Variants in WDR33 observed in about 807,000 individuals in gnomAD.
WDR33 encodes WD repeat domain 33.
Under a neutral mutation model 164.9 loss-of-function variants are expected in WDR33, and 47 were observed. The ratio of observed to expected loss-of-function variants is 0.29; its 90% CI spans 0.23 to 0.36. WDR33 has a LOEUF of 0.36. Ranked by LOEUF, WDR33 falls within the 10% of genes least tolerant of loss-of-function variation. WDR33 has a pLI of 1.00. For missense variants in WDR33, 1,137 were observed against 1,754.1 expected, an observed-to-expected ratio of 0.65 and a Z score of 6.28; for synonymous variants, 505 against 589.0, an observed-to-expected ratio of 0.86 and a Z score of 2.06.
Position 127,713,477 on chromosome 2 carries a change from G to C in WDR33, c.3308+106C>G. The C allele has an allele frequency of 7.7e-7, 1 of 1,301,132 alleles. No homozygotes were observed. The highest frequency in any genetic ancestry group is 1.4e-5 in the South Asian group (1 of 71,864). The allele number at this position is 1,301,132 out of a possible 1,614,324, so 80.6% of individuals were successfully genotyped here. On this transcript the variant is annotated intron_variant, in intron 18 of 21. Coordinates refer to ENST00000322313, the MANE Select transcript of WDR33 (RefSeq NM_018383.5). The surrounding 1 kb of genome is among the most constrained non-coding windows in gnomAD (Gnocchi z 6.2). Reference sequence around the variant, plus strand: ...TCTACAGAGTGCAGGGCTGGTAATTGATATAATTCTCTTTCCTCAAGAAAA... The same window carrying C: ...TCTACAGAGTGCAGGGCTGGTAATTCATATAATTCTCTTTCCTCAAGAAAA...
At chr2:127,783,668 G>C (rs375291967) in intron 1 of WDR33, among the ~76,000 whole-genome samples, 5 of 127,216 alleles carry the variant, frequency 3.9e-5, no homozygotes, top group African/African-American at 1.5e-4. Context: ...ACAGTGGTGT[G>C]ATCTCGGCTC....
At chr2:127,768,542 C>T (rs989603827) in intron 3 of WDR33, among the ~76,000 whole-genome samples, 2 of 152,114 alleles carry the variant, frequency 1.3e-5, no homozygotes, top group African/African-American at 4.8e-5. Flanking sequence ...TAACCCAGTA[C>T]AAGTTAGTAC....
At chr2:127,753,900 C>G (rs913574427) in intron 7 of WDR33, among the ~76,000 whole-genome samples, 1 of 152,106 alleles carries the variant, frequency 6.6e-6, no homozygotes, top group Non-Finnish European at 1.5e-5. Context: ...ATGAAAGTAT[C>G]TTTCAAAGCC....
chr2:127,704,502 T>A lies in WDR33; in HGVS notation c.*1821A>T, dbSNP rs903087798. On this transcript the variant is annotated 3_prime_UTR_variant, in exon 22 of 22. Transcript: ENST00000322313. The stretch of plus-strand genomic sequence containing the variant: ...AATTTGATTACAGTTTCTCTCTCTT[T>A]AAGCTATACCAGTTGGGGGTGAGTG... The A allele has an allele frequency of 6.0e-6, 1 of 167,064 alleles. No homozygotes were observed. The highest frequency in any genetic ancestry group is 2.4e-5 in the African/African-American group (1 of 41,440). The allele number at this position is 167,064 out of a possible 1,614,324, so 10.3% of individuals were successfully genotyped here. A position where few individuals can be genotyped will look rare whatever the true frequency, so the allele number is the denominator to read the frequency against.
At position 127,791,352 on chromosome 2, in the gene WDR33, T is replaced by TCTGCTTGGCTGCC. The variant is rs1688840838; in HGVS notation, c.-24+19659_-24+19660insGGCAGCCAAGCAG. Among the ~76,000 whole-genome samples the TCTGCTTGGCTGCC allele has an allele frequency of 2.0e-5, 3 of 152,156 alleles. No individual in the cohort carries two copies. In the South Asian group the frequency reaches 6.2e-4, roughly 32 times the overall value. On this transcript the variant is annotated intron_variant, in intron 1 of 21. Transcript: ENST00000322313. ...ACTTCCCATTTCATCATGTGCTATG[T>TCTGCTTGGCTGCC]ATTAGTCTGCTTGGCTGCCATAAAA...
In WDR33 at chr2:127,735,927, G is replaced by GA. The variant is rs1313526317; in HGVS notation, c.725-9151dup. 3 of 985,278 alleles carry GA rather than the reference G, an allele frequency of 3.0e-6. No homozygotes were observed. In the African/African-American group the frequency reaches 5.2e-5, roughly 17 times the overall value. The allele number at this position is 985,278 out of a possible 1,614,324, so 61.0% of individuals were successfully genotyped here. ...AAAGTTACATCAGTGAAAAACTATA[G>GA]AATTAAATGGAAAGTTAATTCTGGA... On this transcript the variant is annotated intron_variant, in intron 7 of 21. Transcript: ENST00000322313. This position sits in a 1 kb window ranked among gnomAD's most constrained non-coding sequence, Gnocchi z 4.3.
rs1391646685 is a variant in WDR33 at position 127,741,469 on chromosome 2, A to AT, written c.725-14693dup. On this transcript the variant is annotated intron_variant, in intron 7 of 21. Coordinates refer to ENST00000322313, the MANE Select transcript of WDR33 (RefSeq NM_018383.5). The surrounding 1 kb of genome is among the most constrained non-coding windows in gnomAD (Gnocchi z 4.1). Reference sequence around the variant, plus strand: ...TGGCCTGTGCTTCTCCACTCACTTCATTAAACACACACAAACATGCACGTG... The same window carrying AT: ...TGGCCTGTGCTTCTCCACTCACTTCATTTAAACACACACAAACATGCACGTG... Among the ~76,000 whole-genome samples the AT allele has an allele frequency of 2.6e-5, 4 of 152,222 alleles. No homozygotes were observed. The highest frequency in any genetic ancestry group is 9.7e-5 in the African/African-American group (4 of 41,450).
chr2:127,730,282 G>T (rs1047049111), intron 7 of WDR33, among the ~76,000 whole-genome samples: 1 of 152,094 alleles, frequency 6.6e-6, no homozygotes, highest in Non-Finnish European at 1.5e-5. Flanking sequence ...AATAGATTAA[G>T]CTGGAATAGA....
At chr2:127,779,974 G>GA (rs1688314379) in intron 1 of WDR33, among the ~76,000 whole-genome samples, 1 of 145,340 alleles carries the variant, frequency 6.9e-6, no homozygotes, top group East Asian at 2.0e-4. Context: ...AGGTTTTTTT[G>GA]ATTTTTTTTT....
rs1687757410 is a variant in WDR33 at position 127,764,182 on chromosome 2, C to T, written c.626+646G>A. On this transcript the variant is annotated intron_variant, in intron 6 of 21. Coordinates refer to ENST00000322313, the MANE Select transcript of WDR33 (RefSeq NM_018383.5). The surrounding 1 kb of genome is among the most constrained non-coding windows in gnomAD (Gnocchi z 6.2). ...TACAACTCACTGAAAATATTTTAAA[C>T]TCCACTTATTGTATACATTTGCATA... is the stretch of plus-strand genomic sequence containing the variant. The T allele has an allele frequency of 9.7e-7, 1 of 1,026,068 alleles. No homozygotes were observed. Among genetic ancestry groups the T allele is most frequent in the Non-Finnish European group, 1.2e-6 (1 of 857,020 alleles). The allele number at this position is 1,026,068 out of a possible 1,614,324, so 63.6% of individuals were successfully genotyped here.
At chr2:127,783,599 C>CTTTTTTTTTTTTTT (rs35345585) in intron 1 of WDR33, among the ~76,000 whole-genome samples, 15 of 84,410 alleles carry the variant, frequency 1.8e-4, no homozygotes, top group African/African-American at 6.4e-4. Context: ...TTCAGGACTC[C>CTTTTTTTTTTTTTT]TTTTTTTTTT....
intron 18 of WDR33, among the ~76,000 whole-genome samples, chr2:127,711,781 T>TATATATATATA (rs1491108798): frequency 7.4e-5 from 7 of 93,966 alleles, no homozygotes; most frequent in Admixed American, 1.1e-4. Context: ...TATATATATA[T>TATATATATATA]TTTTTTTTTG....
chr2:127,743,912 TGAC>T (rs1687096879), intron 7 of WDR33, among the ~76,000 whole-genome samples: 2 of 152,198 alleles, frequency 1.3e-5, no homozygotes, highest in Admixed American at 1.3e-4. Context: ...GAAATTCTGA[TGAC>T]CACAAGAATA....
chr2:127,778,721 A>AG (rs1034997368), intron 1 of WDR33, among the ~76,000 whole-genome samples: 2 of 152,188 alleles, frequency 1.3e-5, no homozygotes, highest in African/African-American at 4.8e-5. Flanking sequence ...GAGGGAGGCA[A>AG]GGGCAGGGGG....
At chr2:127,762,860 TCAAAGA>T in intron 7 of WDR33, 196 bp downstream of exon 7, 1 of 1,378,050 alleles carries the variant, frequency 7.3e-7, no homozygotes, top group African/African-American at 1.5e-5. Context: ...GCTGAAAAAT[TCAAAGA>T]TAACACTGGT....
At chr2:127,750,681 T>C (rs866552871) in intron 7 of WDR33, among the ~76,000 whole-genome samples, 22 of 31,310 alleles carry the variant, frequency 7.0e-4, no homozygotes, top group African/African-American at 3.7e-3. Flanking sequence ...AAAAAAAATA[T>C]ATATATATAT....
In WDR33 at chr2:127,763,446, T is replaced by C. The variant is rs749892630; in HGVS notation, c.627-287A>G. ...CATGTTCCTTCTCTATTTTCTATGATACGAGGAAATCACATGAAGCTGCCT... is the reference window on the plus strand; with the variant it reads ...CATGTTCCTTCTCTATTTTCTATGACACGAGGAAATCACATGAAGCTGCCT... On this transcript the variant is annotated intron_variant, in intron 6 of 21. Coordinates refer to ENST00000322313, the MANE Select transcript of WDR33 (RefSeq NM_018383.5). The surrounding 1 kb of genome is among the most constrained non-coding windows in gnomAD (Gnocchi z 4.5). 1.3e-5 allele frequency: 15 copies of C among 1,140,890 alleles called. No individual in the cohort carries two copies. Among genetic ancestry groups the C allele is most frequent in the Non-Finnish European group, 1.4e-5 (13 of 925,896 alleles). 70.7% of individuals were successfully genotyped at this position (1,140,890 alleles called of 1,614,324 possible).
intron 18 of WDR33, among the ~76,000 whole-genome samples, chr2:127,711,784 T>A (rs868860754): frequency 1.5e-3 from 145 of 93,984 alleles, no homozygotes; most frequent in African/African-American, 4.6e-3. Flanking sequence ...ATATATATTT[T>A]TTTTTTGAGA....
rs72149745 is a variant in WDR33, at chr2:127,772,959, C to CAA, written c.-23-1957_-23-1956dup. 6.5e-3 allele frequency among the ~76,000 whole-genome samples: 766 copies of CAA among 117,180 alleles called. 4 individuals are homozygous for CAA. Among genetic ancestry groups the CAA allele is most frequent in the African/African-American group, 0.022 (718 of 32,784 alleles). The allele number at this position is 117,180 out of a possible 152,430, so 76.9% of individuals were successfully genotyped here. The stretch of plus-strand genomic sequence containing the variant: ...TGCACATAGTGAGACTCCATCTCTA[C>CAA]AAAAAAAAAAAAAAAAAATTGTTTT... On this transcript the variant is annotated intron_variant, in intron 1 of 21. Coordinates refer to ENST00000322313, the MANE Select transcript of WDR33 (RefSeq NM_018383.5).
Sources: allele counts gnomAD v4.1 joint callset (sites outside exome capture counted in the v4.1 genomes callset), GRCh38; gene constraint gnomAD v4.1.1; non-coding constraint Gnocchi (gnomAD v3.1); transcripts MANE v1.5; gene names NCBI Gene and HGNC (gene_info 2026-07-23, HGNC 2026-07-21).